Variants in DENND1B observed in about 807,000 individuals in gnomAD.
DENND1B encodes DENN domain-containing protein 1B.
A neutral mutation model predicts 90.1 loss-of-function variants in DENND1B; 59 were observed. The ratio of observed to expected loss-of-function variants is 0.65; its 90% CI spans 0.53 to 0.81. The LOEUF is 0.81. DENND1B is among the 40% of genes least tolerant of loss of function. The pLI is 0.00. For synonymous variants in DENND1B, 337 were observed against 324.6 expected, an observed-to-expected ratio of 1.04 and a Z score of -0.41; for missense variants, 862 against 912.6, an observed-to-expected ratio of 0.94 and a Z score of 0.71.
At chr1:197,578,551 A>C (rs1252906556) in intron 15 of DENND1B, among the ~76,000 whole-genome samples, 2 of 152,118 alleles carry the variant, frequency 1.3e-5, no homozygotes, top group Non-Finnish European at 2.9e-5. Flanking sequence ...GGCCTAAAAA[A>C]GTAGATTATA....
At chr1:197,526,014 T>C (rs931423232) in intron 20 of DENND1B, among the ~76,000 whole-genome samples, 3 of 152,130 alleles carry the variant, frequency 2.0e-5, no homozygotes, top group Non-Finnish European at 2.9e-5. Flanking sequence ...GTAATTAGTA[T>C]AGGCGCACAG....
At chr1:197,723,506 T>C (rs1463204423) in intron 2 of DENND1B, among the ~76,000 whole-genome samples, 1 of 152,152 alleles carries the variant, frequency 6.6e-6, no homozygotes, top group Non-Finnish European at 1.5e-5. Context: ...TCTTGATTAA[T>C]CTATCGCAAG....
chr1:197,735,772 C>T, intron 2 of DENND1B: 1 of 1,611,596 alleles, frequency 6.2e-7, no homozygotes, highest in Non-Finnish European at 8.5e-7. Flanking sequence ...AGGGGGAATC[C>T]TCGGCAGATA....
chr1:197,662,442 C>G (rs1654500365), intron 5 of DENND1B, among the ~76,000 whole-genome samples: 1 of 151,994 alleles, frequency 6.6e-6, no homozygotes, highest in Non-Finnish European at 1.5e-5. Flanking sequence ...TATCTAGGGT[C>G]ACAAAGCTAT....
At position 197,510,626 on chromosome 1, in the gene DENND1B, C is replaced by T. The variant is rs140620253; in HGVS notation, c.2162G>A (p.Arg721Gln). The T allele has an allele frequency of 2.4e-4, 388 of 1,612,762 alleles. 1 individual carries two copies. The African/African-American group carries it at 4.4e-3, about 18-fold the overall frequency. ...CCAAGGAACAAAAGTCGATGAATGCCGCCCAAGACCGGGTATAAGCAGATC... is the reference window on the plus strand; with the variant it reads ...CCAAGGAACAAAAGTCGATGAATGCTGCCCAAGACCGGGTATAAGCAGATC... ...SDDLLIPGLG[R>Q]HSSTFVPWEK... The change falls in exon 23 of 23, where the codon CGG becomes CAG. Residue 721 changes from arginine (R) to glutamine (Q), a missense_variant. Coordinates refer to ENST00000620048, the MANE Select transcript of DENND1B (RefSeq NM_001195215.2).
intron 3 of DENND1B, among the ~76,000 whole-genome samples, chr1:197,684,877 G>A (rs1343416237): frequency 6.6e-6 from 1 of 152,128 alleles, no homozygotes; most frequent in Admixed American, 6.6e-5. Context: ...CCAGCACTCT[G>A]GAAGGCTGAG....
intron 20 of DENND1B, among the ~76,000 whole-genome samples, chr1:197,527,755 A>G (rs960697439): frequency 2.6e-5 from 4 of 152,214 alleles, no homozygotes; most frequent in Non-Finnish European, 4.4e-5. Context: ...AAAGTAAAGT[A>G]TTCTTTCTAA....
chr1:197,572,369 C>T lies in DENND1B; in HGVS notation c.1149+10783G>A, dbSNP rs1275146887. 2.0e-5 allele frequency among the ~76,000 whole-genome samples: 3 copies of T among 152,148 alleles called. No homozygotes were observed. The East Asian group carries it at 5.8e-4, about 29-fold the overall frequency. ...GGCAGCAGCCTGGTGAGGAGAGGGG[C>T]GTCCGCCATTGCTGAGGCTTGAGTA... On this transcript the variant is annotated intron_variant, in intron 15 of 22. Coordinates refer to ENST00000620048, the MANE Select transcript of DENND1B (RefSeq NM_001195215.2).
chr1:197,728,958 C>T (rs1273709822), intron 2 of DENND1B, among the ~76,000 whole-genome samples: 1 of 152,166 alleles, frequency 6.6e-6, no homozygotes, highest in African/African-American at 2.4e-5. Flanking sequence ...AAATTTTCTA[C>T]TCAATCCCAG....
chr1:197,527,312 G>GTTTT (rs148417732), intron 20 of DENND1B, among the ~76,000 whole-genome samples: 3 of 140,930 alleles, frequency 2.1e-5, no homozygotes, highest in African/African-American at 2.6e-5. Context: ...GTTTTTTTTT[G>GTTTT]TTTTTGTTTT....
Position 197,694,931 on chromosome 1 carries a change from G to A in DENND1B, c.126+20100C>T, listed in dbSNP as rs150373512. On this transcript the variant is annotated intron_variant, in intron 3 of 22. Coordinates refer to ENST00000620048, the MANE Select transcript of DENND1B (RefSeq NM_001195215.2). ...TACAATTTTATTATCTAAAATGTAC[G>A]CAAAAATATTCTTTTCAATGGGAGT... Among the ~76,000 whole-genome samples, 642 of 151,274 alleles carry A rather than the reference G, an allele frequency of 4.2e-3. 5 individuals carry two copies. The highest frequency in any genetic ancestry group is 0.015 in the African/African-American group (611 of 41,428).
intron 10 of DENND1B, among the ~76,000 whole-genome samples, chr1:197,636,557 T>C (rs1679812190): frequency 6.6e-6 from 1 of 152,206 alleles, no homozygotes; most frequent in Non-Finnish European, 1.5e-5. Flanking sequence ...CACATTTTCA[T>C]CTGTCTACCG....
At chr1:197,672,938 C>T (rs1488484638) in intron 4 of DENND1B, among the ~76,000 whole-genome samples, 1 of 151,850 alleles carries the variant, frequency 6.6e-6, no homozygotes, top group Non-Finnish European at 1.5e-5. Flanking sequence ...CATTAGATAA[C>T]CATAACCGAA....
In DENND1B at chr1:197,726,224, G is replaced by A. The variant is rs563926043; in HGVS notation, c.83-11150C>T. On this transcript the variant is annotated intron_variant, in intron 2 of 22. Coordinates refer to ENST00000620048, the MANE Select transcript of DENND1B (RefSeq NM_001195215.2). ...ATAGTGGGTGTTTTATGAACCTGAC[G>A]TGGACCCAGTGATCTTGCTGGCATG... Among the ~76,000 whole-genome samples, 16 of 152,164 alleles carry A rather than the reference G, an allele frequency of 1.1e-4. No homozygotes were observed. The South Asian group carries it at 2.3e-3, about 22-fold the overall frequency.
chr1:197,763,835 A>C (rs1202696292), intron 2 of DENND1B, among the ~76,000 whole-genome samples: 1 of 152,104 alleles, frequency 6.6e-6, no homozygotes, highest in Non-Finnish European at 1.5e-5. Flanking sequence ...AACCTCTACC[A>C]CAGCCTTTAC....
At chr1:197,648,280 G>GA (rs1019691833) in intron 7 of DENND1B, among the ~76,000 whole-genome samples, 1 of 151,416 alleles carries the variant, frequency 6.6e-6, no homozygotes, top group African/African-American at 2.4e-5. Context: ...TTCTCAAATG[G>GA]AAAAAAAAGG....
chr1:197,631,325 C>G (rs2125897204), intron 10 of DENND1B, among the ~76,000 whole-genome samples: 1 of 152,058 alleles, frequency 6.6e-6, no homozygotes, highest in Non-Finnish European at 1.5e-5. Flanking sequence ...AGAAATCATT[C>G]TTGTTCAATT....
In DENND1B at chr1:197,746,400, G is replaced by C. The variant is rs181359950; in HGVS notation, c.82+26468C>G. On this transcript the variant is annotated intron_variant, in intron 2 of 22. Transcript: ENST00000620048. ...ACAGAGACTGTCTCAAAAAAAGAAAGAAAGAAAGTATGAGAAGATCACTGA... is the reference window on the plus strand; with the variant it reads ...ACAGAGACTGTCTCAAAAAAAGAAACAAAGAAAGTATGAGAAGATCACTGA... Among the ~76,000 whole-genome samples, 654 of 152,060 alleles carry C rather than the reference G, an allele frequency of 4.3e-3. 9 individuals carry two copies. The highest frequency in any genetic ancestry group is 0.015 in the African/African-American group (612 of 41,498).
intron 7 of DENND1B, among the ~76,000 whole-genome samples, chr1:197,647,968 A>T (rs1680883414): frequency 6.6e-6 from 1 of 151,694 alleles, no homozygotes; most frequent in African/African-American, 2.4e-5. Context: ...AAAAAAAGAT[A>T]TTATAACTTT....
Sources: gnomAD v4.1 joint callset for allele counts (sites outside exome capture counted in the v4.1 genomes callset) on GRCh38, gnomAD v4.1.1 for gene constraint, MANE v1.5 for transcripts, NCBI Gene and HGNC (gene_info 2026-07-23, HGNC 2026-07-21) for gene names.